Variants in THSD7B observed in about 807,000 individuals in gnomAD.
THSD7B encodes thrombospondin type-1 domain-containing protein 7B.
Under a neutral mutation model 213.6 loss-of-function variants are expected in THSD7B, and 138 were observed. The ratio of observed to expected loss-of-function variants is 0.65; its 90% CI spans 0.56 to 0.74. The LOEUF is 0.74. Among genes scored for constraint, THSD7B ranks in the 30% least tolerant of loss-of-function variants. THSD7B has a pLI of 0.00. For synonymous variants in THSD7B, 742 were observed against 687.0 expected, an observed-to-expected ratio of 1.08 and a Z score of -1.25; for missense variants, 1,931 against 1,991.5, an observed-to-expected ratio of 0.97 and a Z score of 0.58.
At chr2:137,044,566 G>GT (rs1686936795) in intron 2 of THSD7B, among the ~76,000 whole-genome samples, 1 of 151,968 alleles carries the variant, frequency 6.6e-6, no homozygotes, top group South Asian at 2.1e-4. Context: ...TGCATATTAT[G>GT]TTTTTTCCTA....
rs1688016297 is a variant in THSD7B, at chr2:137,095,046, G to A, written c.1124G>A (p.Gly375Asp). 1.9e-6 allele frequency: 3 copies of A among 1,613,854 alleles called. No individual in the cohort carries two copies. The highest frequency in any genetic ancestry group is 1.7e-4 in the Middle Eastern group (1 of 6,058). Residue 375 changes from glycine to aspartate, a missense_variant, in exon 4 of 28, where the codon GGT becomes GAT. Transcript: ENST00000409968. ...AACGTGAAGCACATGGCTATTGGAG[G>A]TGGAAAGGAGTGTCCTGAACTTCTT... ...SRNVKHMAIG[G>D]GKECPELLEK...
At chr2:137,373,783 T>C (rs747786376) in intron 12 of THSD7B, among the ~76,000 whole-genome samples, 2 of 152,212 alleles carry the variant, frequency 1.3e-5, no homozygotes, top group Non-Finnish European at 2.9e-5. Context: ...CATGCCTATG[T>C]CCTGAATGGT....
intron 12 of THSD7B, among the ~76,000 whole-genome samples, chr2:137,378,755 C>G (rs1685715005): frequency 6.6e-6 from 1 of 152,146 alleles, no homozygotes; most frequent in African/African-American, 2.4e-5. Flanking sequence ...CAACCACTCC[C>G]TAAGCCAGAG....
At chr2:137,133,281 T>A (rs545436277) in intron 5 of THSD7B, among the ~76,000 whole-genome samples, 138 of 152,286 alleles carry the variant, frequency 9.1e-4, no homozygotes, top group African/African-American at 3.2e-3. Flanking sequence ...GAAGGGTTTG[T>A]TTGCGTGAGG....
intron 3 of THSD7B, among the ~76,000 whole-genome samples, chr2:137,064,905 G>A (rs1013988688): frequency 6.6e-6 from 1 of 151,498 alleles, no homozygotes; most frequent in African/African-American, 2.4e-5. Flanking sequence ...TTTGTTTACT[G>A]TAGTTCTGTA....
chr2:137,500,372 A>T (rs1252264864), intron 15 of THSD7B, among the ~76,000 whole-genome samples: 1 of 152,226 alleles, frequency 6.6e-6, no homozygotes, highest in Non-Finnish European at 1.5e-5. Flanking sequence ...AGTAGCAAAG[A>T]TCTAGACATT....
intron 7 of THSD7B, among the ~76,000 whole-genome samples, chr2:137,219,770 T>G (rs140318913): frequency 6.6e-6 from 1 of 151,880 alleles, no homozygotes; most frequent in South Asian, 2.1e-4. Flanking sequence ...GTGGCTGACA[T>G]TGTGCCGGAT....
intron 2 of THSD7B, among the ~76,000 whole-genome samples, chr2:136,982,076 G>T (rs764436981): frequency 3.3e-5 from 5 of 152,110 alleles, no homozygotes; most frequent in African/African-American, 1.2e-4. Context: ...ACTGTAACAT[G>T]GTGTGAACTG....
chr2:137,277,051 CCTA>C (rs1682892166), intron 12 of THSD7B, among the ~76,000 whole-genome samples: 1 of 151,822 alleles, frequency 6.6e-6, no homozygotes, highest in Non-Finnish European at 1.5e-5. Flanking sequence ...AATATTTTTG[CCTA>C]CTTTCTGCTG....
chr2:137,106,543 A>G (rs1688254752), intron 4 of THSD7B, among the ~76,000 whole-genome samples: 1 of 152,240 alleles, frequency 6.6e-6, no homozygotes, highest in Admixed American at 6.5e-5. Flanking sequence ...AAATTGACAA[A>G]TGGGATGTAG....
At chr2:136,908,256 G>C (rs1424194935) in intron 2 of THSD7B, among the ~76,000 whole-genome samples, 4 of 152,092 alleles carry the variant, frequency 2.6e-5, no homozygotes, top group African/African-American at 4.8e-5. Context: ...CACATAATGT[G>C]GTAGAAATAG....
chr2:137,001,921 C>G (rs1573759739), intron 2 of THSD7B, among the ~76,000 whole-genome samples: 1 of 151,992 alleles, frequency 6.6e-6, no homozygotes, highest in East Asian at 1.9e-4. Context: ...AATACTTTTG[C>G]TTACTCTTCA....
intron 15 of THSD7B, among the ~76,000 whole-genome samples, chr2:137,542,784 A>C (rs985794349): frequency 2.0e-5 from 3 of 151,792 alleles, no homozygotes; most frequent in Non-Finnish European, 2.9e-5. Flanking sequence ...TACAAAGCTC[A>C]ATAATCACAA....
chr2:137,282,795 T>C (rs1264260773), intron 12 of THSD7B, among the ~76,000 whole-genome samples: 2 of 152,218 alleles, frequency 1.3e-5, no homozygotes, highest in Non-Finnish European at 2.9e-5. Context: ...CCATGCTGTT[T>C]TGGTTACTGT....
chr2:137,355,889 G>A (rs531928237), intron 12 of THSD7B, among the ~76,000 whole-genome samples: 2 of 152,296 alleles, frequency 1.3e-5, no homozygotes, highest in East Asian at 1.9e-4. Flanking sequence ...CTAGGCTAAC[G>A]CTATGCTTCT....
chr2:136,940,866 T>G (rs1447549489), intron 2 of THSD7B, among the ~76,000 whole-genome samples: 1 of 150,384 alleles, frequency 6.6e-6, no homozygotes, highest in Non-Finnish European at 1.5e-5. Flanking sequence ...CTTAGTTGTT[T>G]TTTTTTTTTT....
intron 15 of THSD7B, among the ~76,000 whole-genome samples, chr2:137,470,754 A>T (rs922447793): frequency 3.3e-5 from 5 of 152,156 alleles, no homozygotes; most frequent in African/African-American, 9.7e-5. Flanking sequence ...TTCTGCATTA[A>T]AATTTGGATT....
chr2:137,670,533 G>A (rs1683540697), intron 27 of THSD7B, among the ~76,000 whole-genome samples: 1 of 152,120 alleles, frequency 6.6e-6, no homozygotes, highest in Non-Finnish European at 1.5e-5. Context: ...CGATAAGAGA[G>A]TAAATTGTCT....
intron 2 of THSD7B, among the ~76,000 whole-genome samples, chr2:137,016,207 T>A (rs1030792901): frequency 7.9e-5 from 12 of 151,978 alleles, no homozygotes; most frequent in African/African-American, 2.9e-4. Flanking sequence ...TAAAGTCACA[T>A]ATGAGGATTC....
Sources: gnomAD v4.1 joint callset for allele counts (sites outside exome capture counted in the v4.1 genomes callset) on GRCh38, gnomAD v4.1.1 for gene constraint, MANE v1.5 for transcripts, NCBI Gene and HGNC (gene_info 2026-07-23, HGNC 2026-07-21) for gene names.